Variants in MAP3K4 observed in about 807,000 individuals in gnomAD.
MAP3K4 encodes mitogen-activated protein kinase kinase kinase 4, also known as MAP three kinase 1.
Under a neutral mutation model 185.6 loss-of-function variants are expected in MAP3K4, and 67 were observed. The ratio of observed to expected loss-of-function variants is 0.36; its 90% CI spans 0.30 to 0.44. The LOEUF (loss-of-function observed/expected upper bound fraction) is 0.44, where lower values mean the gene tolerates loss of function less well. Among genes scored for constraint, MAP3K4 ranks in the 20% least tolerant of loss-of-function variants. MAP3K4 has a pLI of 1.00. For synonymous variants in MAP3K4, 702 were observed against 710.4 expected, an observed-to-expected ratio of 0.99 and a Z score of 0.19; for missense variants, 1,551 against 1,995.1, an observed-to-expected ratio of 0.78 and a Z score of 4.24.
intron 3 of MAP3K4, among the ~76,000 whole-genome samples, chr6:161,050,779 G>C (rs1325196517): frequency 6.6e-6 from 1 of 152,186 alleles, no homozygotes; most frequent in African/African-American, 2.4e-5. Flanking sequence ...TTTCTGGTGA[G>C]TTTGCATGTT....
Position 161,098,523 on chromosome 6 carries a change from GCTT to G in MAP3K4, c.3674+100_3674+102del. 1 of 1,434,228 alleles carries G rather than the reference GCTT, an allele frequency of 7.0e-7. No homozygotes were observed. The highest frequency in any genetic ancestry group is 1.4e-5 in the South Asian group (1 of 69,242). 88.8% of individuals were successfully genotyped at this position (1,434,228 alleles called of 1,614,324 possible). A position where few individuals can be genotyped will look rare whatever the true frequency, so the allele number is the denominator to read the frequency against. On this transcript the variant is annotated intron_variant, in intron 17 of 26. Coordinates refer to ENST00000392142, the MANE Select transcript of MAP3K4 (RefSeq NM_005922.4). The surrounding 1 kb of genome is among the most constrained non-coding windows in gnomAD (Gnocchi z 4.4). ...TAGGGTGTGTGCCGGCTGTGGTTGG[GCTT>G]CTTTGCTGTGGCGTGTGAGTGATGC...
rs9355332 is a variant in MAP3K4, at chr6:161,087,971, T to A, written c.2823+17T>A. ...AGCATGCAGGTACAGCTCATCTCCA[T>A]CTTTGCAGCAGTGTTACTTCAAGGA... On this transcript the variant is annotated intron_variant, in intron 10 of 26. Transcript: ENST00000392142. The surrounding 1 kb of genome is among the most constrained non-coding windows in gnomAD (Gnocchi z 4.9). 0.88 allele frequency: 1,411,129 copies of A among 1,596,558 alleles called. 624,790 individuals are homozygous for A. Among genetic ancestry groups the A allele is most frequent in the East Asian group, 0.99 (44,464 of 44,738 alleles).
intron 18 of MAP3K4, 127 bp from the exon 19 acceptor site, chr6:161,102,570 AAC>A (rs1777883160): frequency 5.0e-6 from 3 of 602,680 alleles, no homozygotes; most frequent in Non-Finnish European, 5.8e-6. Flanking sequence ...ACCTACATCA[AAC>A]ACACTAAAAA....
In MAP3K4 at chr6:161,081,013, G is replaced by A; in HGVS notation, c.2230G>A (p.Glu744Lys). The change falls in exon 6 of 27, where the codon GAA becomes AAA. Residue 744 changes from glutamate to lysine, a missense_variant. By Grantham distance (56) the Glu-to-Lys change is moderately conservative (BLOSUM62 1). Around this residue, in one of 16 missense-constraint regions of MAP3K4, gnomAD observed 130 missense variants for 171.3 expected, o/e 0.76. Coordinates refer to ENST00000392142, the MANE Select transcript of MAP3K4 (RefSeq NM_005922.4). ...AATAACTCATTACATACGGGGAGGA[G>A]AAGCACAGGCCGGGAAGCTTTTCTG... is the stretch of plus-strand genomic sequence containing the variant. The part of the protein sequence containing the change: ...KEITHYIRGG[E>K]AQAGKLFCDI... 6.2e-7 allele frequency: 1 copy of A among 1,614,114 alleles called. No homozygotes were observed. Among genetic ancestry groups the A allele is most frequent in the Non-Finnish European group, 8.5e-7 (1 of 1,180,010 alleles).
At chr6:161,089,295 ATGTCC>A (rs754108470) in intron 10 of MAP3K4, 22 bp from the exon 11 acceptor site, 2 of 1,606,064 alleles carry the variant, frequency 1.2e-6, no homozygotes, top group Admixed American at 1.7e-5. Context: ...GTTGGTTTTT[ATGTCC>A]TGTGCTTGAT....
rs779374277 is a variant in MAP3K4, at chr6:161,108,015, G to A, written c.4119+46G>A. ...GGGCCTTTGGGCCTGGCGGCTCTGG[G>A]TGATAGAAATTCCGTATAGACGCTG... On this transcript the variant is annotated intron_variant, in intron 21 of 26. Transcript: ENST00000392142. The surrounding 1 kb of genome is among the most constrained non-coding windows in gnomAD (Gnocchi z 5.7). 4 of 1,563,898 alleles carry A rather than the reference G, an allele frequency of 2.6e-6. No homozygotes were observed. The Admixed American group carries it at 5.1e-5, about 20-fold the overall frequency.
In MAP3K4 at chr6:161,037,932, A is replaced by G. The variant is rs948052824; in HGVS notation, c.343+3483A>G. Among the ~76,000 whole-genome samples, 5 of 152,072 alleles carry G rather than the reference A, an allele frequency of 3.3e-5. No homozygotes were observed. The highest frequency in any genetic ancestry group is 5.9e-5 in the Non-Finnish European group (4 of 68,026). ...TACACATTTCCTTGTATGTCTTCCT[A>G]GTCCTTCGCTTTATCTCACTACATA... is the stretch of plus-strand genomic sequence containing the variant. On this transcript the variant is annotated intron_variant, in intron 2 of 26. Coordinates refer to ENST00000392142, the MANE Select transcript of MAP3K4 (RefSeq NM_005922.4). The surrounding 1 kb of genome is among the most constrained non-coding windows in gnomAD (Gnocchi z 4.2).
At position 161,109,027 on chromosome 6, in the gene MAP3K4, A is replaced by G. The variant is rs1428186111; in HGVS notation, c.4236+168A>G. ...TCTGCCTTCTCTCTGAAACTAGAGG[A>G]GTTCCTCCTAAAATGTAAGTTGTAG... is the stretch of plus-strand genomic sequence containing the variant. On this transcript the variant is annotated intron_variant, in intron 22 of 26. Coordinates refer to ENST00000392142, the MANE Select transcript of MAP3K4 (RefSeq NM_005922.4). The surrounding 1 kb of genome is among the most constrained non-coding windows in gnomAD (Gnocchi z 5.7). The G allele has an allele frequency of 5.8e-6, 9 of 1,555,982 alleles. No homozygotes were observed. The highest frequency in any genetic ancestry group is 7.8e-6 in the Non-Finnish European group (9 of 1,154,416).
At chr6:160,997,582 G>A (rs1275791430) in intron 1 of MAP3K4, among the ~76,000 whole-genome samples, 3 of 152,146 alleles carry the variant, frequency 2.0e-5, no homozygotes, top group African/African-American at 7.2e-5. Flanking sequence ...CATACTCACC[G>A]CTGTGTTCAG....
At chr6:161,044,353 T>C (rs1297885710) in intron 2 of MAP3K4, among the ~76,000 whole-genome samples, 2 of 152,224 alleles carry the variant, frequency 1.3e-5, no homozygotes, top group Non-Finnish European at 2.9e-5. Flanking sequence ...CCATTTGACT[T>C]TTGTTAATTG....
At chr6:161,059,500 A>G (rs112982843) in intron 3 of MAP3K4, among the ~76,000 whole-genome samples, 35 of 152,064 alleles carry the variant, frequency 2.3e-4, no homozygotes, top group South Asian at 1.9e-3. Flanking sequence ...GGCCATTTGC[A>G]TGTCTTTTCG....
rs1367350804 is a variant in MAP3K4, at chr6:161,115,337, T to C, written c.4806+35T>C. ...ATTACTGGATAGTCTTTTTCATGTTTAAGTGTTTAAGTTCTGTTTTGCATC... is the reference window on the plus strand; with the variant it reads ...ATTACTGGATAGTCTTTTTCATGTTCAAGTGTTTAAGTTCTGTTTTGCATC... On this transcript the variant is annotated intron_variant, in intron 26 of 26. Coordinates refer to ENST00000392142, the MANE Select transcript of MAP3K4 (RefSeq NM_005922.4). This position sits in a 1 kb window ranked among gnomAD's most constrained non-coding sequence, Gnocchi z 6.0. 1 of 1,562,066 alleles carries C rather than the reference T, an allele frequency of 6.4e-7. No homozygotes were observed. The highest frequency in any genetic ancestry group is 1.4e-5 in the African/African-American group (1 of 73,420).
chr6:161,013,445 T>G (rs1781940095), intron 1 of MAP3K4, among the ~76,000 whole-genome samples: 1 of 152,248 alleles, frequency 6.6e-6, no homozygotes, highest in Non-Finnish European at 1.5e-5. Flanking sequence ...TAGTTAAATC[T>G]TTCCCTTTAA....
chr6:161,046,255 T>G (rs1024567844), intron 2 of MAP3K4, among the ~76,000 whole-genome samples: 1 of 152,160 alleles, frequency 6.6e-6, no homozygotes, highest in African/African-American at 2.4e-5. Flanking sequence ...TGGTCATTTT[T>G]GGTTTCAAAA....
chr6:161,050,458 A>C (rs1000580200), intron 3 of MAP3K4, among the ~76,000 whole-genome samples: 7 of 152,194 alleles, frequency 4.6e-5, no homozygotes, highest in African/African-American at 7.2e-5. Flanking sequence ...AGAGATGTAA[A>C]TTATAGAGAA....
intron 5 of MAP3K4, among the ~76,000 whole-genome samples, chr6:161,079,788 A>G (rs537622402): frequency 6.6e-6 from 1 of 152,302 alleles, no homozygotes; most frequent in South Asian, 2.1e-4. Flanking sequence ...TCAGAGTCAC[A>G]CCACACACCT....
intron 2 of MAP3K4, among the ~76,000 whole-genome samples, chr6:161,038,226 G>C (rs544315059): frequency 9.9e-5 from 15 of 152,230 alleles, no homozygotes; most frequent in Middle Eastern, 3.4e-3. Context: ...GTACACAAAT[G>C]ACCAACAGTA....
Position 161,102,796 on chromosome 6 carries a change from T to G in MAP3K4, c.3856+17T>G. 1 of 1,288,244 alleles carries G rather than the reference T, an allele frequency of 7.8e-7. No homozygotes were observed. Among genetic ancestry groups the G allele is most frequent in the Middle Eastern group, 1.9e-4 (1 of 5,170 alleles). 79.8% of individuals were successfully genotyped at this position (1,288,244 alleles called of 1,614,324 possible). ...AGAGTAAAGGTGAGAGAAAGAGTGT[T>G]GAAGTTAAAAAAAAAAAAAAAAAAA... On this transcript the variant is annotated intron_variant, in intron 19 of 26. Transcript: ENST00000392142.
chr6:161,028,425 A>G (rs1160344358), intron 1 of MAP3K4, among the ~76,000 whole-genome samples: 2 of 152,236 alleles, frequency 1.3e-5, no homozygotes, highest in African/African-American at 4.8e-5. Flanking sequence ...TAAAAAATAT[A>G]TTTTAAAAAT....
Sources: allele counts gnomAD v4.1 joint callset (sites outside exome capture counted in the v4.1 genomes callset), GRCh38; gene constraint gnomAD v4.1.1; regional missense constraint gnomAD v4.1.1; non-coding constraint Gnocchi (gnomAD v3.1); transcripts MANE v1.5; gene names NCBI Gene and HGNC (gene_info 2026-07-23, HGNC 2026-07-21).